Variants in POLE2 observed in about 807,000 individuals in gnomAD.
POLE2 encodes DNA polymerase epsilon subunit 2.
A neutral mutation model predicts 79.4 loss-of-function variants in POLE2; 56 were observed. The observed-to-expected ratio is 0.71, with a 90% CI of 0.57 to 0.88. POLE2 has a LOEUF of 0.88. POLE2 is among the 40% of genes least tolerant of loss of function. The pLI is 0.00. For synonymous variants in POLE2, 212 were observed against 214.0 expected (o/e 0.99, Z 0.08); for missense variants, 598 against 638.9 (o/e 0.94, Z 0.69).
intron 18 of POLE2, chr14:49,646,814 G>A (rs1883810797): frequency 6.6e-6 from 1 of 152,352 alleles, no homozygotes; most frequent in African/African-American, 2.4e-5. Flanking sequence ...GGATTCTGAT[G>A]TGGGTGATCT....
At chr14:49,678,720 G>A (rs1393713809) in intron 3 of POLE2, among the ~76,000 whole-genome samples, 1 of 152,076 alleles carries the variant, frequency 6.6e-6, no homozygotes, top group Non-Finnish European at 1.5e-5. Flanking sequence ...GCAGTGGTAT[G>A]ATCTCAGCTC....
chr14:49,650,550 T>A (rs538451802), intron 16 of POLE2, 109 bp from the exon 17 acceptor site: 1 of 645,360 alleles, frequency 1.5e-6, no homozygotes, highest in South Asian at 4.8e-5. Context: ...ACCAGAAAAT[T>A]TGAGAAACTA....
At chr14:49,670,066 A>G (rs1414158025) in intron 5 of POLE2, among the ~76,000 whole-genome samples, 1 of 152,174 alleles carries the variant, frequency 6.6e-6, no homozygotes, top group Non-Finnish European at 1.5e-5. Flanking sequence ...CTGTAATCCC[A>G]GCACTTTGGG....
rs77103454 is a variant in POLE2, at chr14:49,660,176, G to T, written c.755+3139C>A. 4.2e-3 allele frequency among the ~76,000 whole-genome samples: 632 copies of T among 152,272 alleles called. 4 individuals carry two copies. Among genetic ancestry groups the T allele is most frequent in the African/African-American group, 0.015 (604 of 41,536 alleles). On this transcript the variant is annotated intron_variant, in intron 10 of 18. Transcript: ENST00000216367. ...TATCATTGTGTTACAGTTGCCTATA[G>T]TATTCAATACAGCAACGTGTCACAC... is the stretch of plus-strand genomic sequence containing the variant.
At chr14:49,654,235 A>T in intron 13 of POLE2, 21 bp from the exon 14 acceptor site, 1 of 1,544,730 alleles carries the variant, frequency 6.5e-7, no homozygotes, top group Non-Finnish European at 8.9e-7. Context: ...ATTCAACACA[A>T]TTCATTTAAA....
At chr14:49,687,280 T>C (rs1424551896) in intron 1 of POLE2, among the ~76,000 whole-genome samples, 1 of 135,054 alleles carries the variant, frequency 7.4e-6, no homozygotes, top group Non-Finnish European at 1.6e-5. Context: ...AAAAAATACA[T>C]ATATATATAT....
Position 49,679,716 on chromosome 14 carries a change from C to A in POLE2, c.245+9G>T. 2 of 1,500,398 alleles carry A rather than the reference C, an allele frequency of 1.3e-6. No individual in the cohort carries two copies. Among genetic ancestry groups the A allele is most frequent in the Non-Finnish European group, 1.8e-6 (2 of 1,081,740 alleles). The allele number at this position is 1,500,398 out of a possible 1,614,324, so 92.9% of individuals were successfully genotyped here. A position where few individuals can be genotyped will look rare whatever the true frequency, so the allele number is the denominator to read the frequency against. ...CCAAGGAGGAAAAAAGTTAACTGTA[C>A]CCACATACATAGTTTCATCAACAGA... On this transcript the variant is annotated intron_variant, in intron 3 of 18. Coordinates refer to ENST00000216367, the MANE Select transcript of POLE2 (RefSeq NM_002692.4).
At chr14:49,654,272 C>CTTT in intron 13 of POLE2, 58 bp from the exon 14 acceptor site, 1 of 1,129,880 alleles carries the variant, frequency 8.9e-7, no homozygotes. Flanking sequence ...TATCCAATAG[C>CTTT]TTAAAAGCAA....
chr14:49,677,108 A>G (rs1263642000), intron 3 of POLE2, among the ~76,000 whole-genome samples: 1 of 152,204 alleles, frequency 6.6e-6, no homozygotes, highest in Admixed American at 6.5e-5. Flanking sequence ...TACAGGATGG[A>G]CACTTCTACG....
intron 6 of POLE2, among the ~76,000 whole-genome samples, chr14:49,666,985 G>C (rs562202901): frequency 1.3e-5 from 2 of 152,110 alleles, no homozygotes; most frequent in East Asian, 3.9e-4. Flanking sequence ...CGGATCACGA[G>C]GTCAGAAGAT....
At chr14:49,649,295 C>T (rs1472271978) in intron 17 of POLE2, among the ~76,000 whole-genome samples, 3 of 150,896 alleles carry the variant, frequency 2.0e-5, no homozygotes, top group Non-Finnish European at 4.4e-5. Flanking sequence ...TAGAGGCGCC[C>T]GCCACCTCGC....
At chr14:49,643,814 G>A (rs1883562953) in intron 18 of POLE2, 144 bp from the exon 19 acceptor site, 3 of 331,934 alleles carry the variant, frequency 9.0e-6, no homozygotes, top group East Asian at 1.0e-4. Context: ...TTCAAAAGGA[G>A]ACTCTAAAAA....
chr14:49,681,364 A>C (rs1235435612), intron 2 of POLE2: 4 of 206,528 alleles, frequency 1.9e-5, no homozygotes, highest in Non-Finnish European at 4.2e-5. Context: ...TATGGCTGAA[A>C]TGGACTGCAA....
At chr14:49,657,475 C>T (rs1485510352) in intron 10 of POLE2, among the ~76,000 whole-genome samples, 5 of 151,392 alleles carry the variant, frequency 3.3e-5, no homozygotes, top group Admixed American at 3.3e-4. Flanking sequence ...TGCTGTCTCC[C>T]AGGCTGGAGT....
rs145962777 is a variant in POLE2 at position 49,651,655 on chromosome 14, G to C, written c.1212-278C>G. On this transcript the variant is annotated intron_variant, in intron 15 of 18. Coordinates refer to ENST00000216367, the MANE Select transcript of POLE2 (RefSeq NM_002692.4). Reference sequence around the variant, plus strand: ...GGGTGGGGCTGAGAAAATAAAAAGCGAACATAATCATATAGTATGTTTTAA... The same window carrying C: ...GGGTGGGGCTGAGAAAATAAAAAGCCAACATAATCATATAGTATGTTTTAA... Among the ~76,000 whole-genome samples the C allele has an allele frequency of 7.6e-3, 1,149 of 152,134 alleles. 17 individuals are homozygous for C. The highest frequency in any genetic ancestry group is 0.026 in the African/African-American group (1,091 of 41,510).
At chr14:49,677,492 C>A in intron 3 of POLE2, 1 of 486,556 alleles carries the variant, frequency 2.1e-6, no homozygotes. Flanking sequence ...TGCCATGAAT[C>A]AAGCATGCCT....
intron 5 of POLE2, among the ~76,000 whole-genome samples, chr14:49,673,476 CA>C (rs1295707110): frequency 1.3e-5 from 2 of 152,224 alleles, no homozygotes; most frequent in African/African-American, 4.8e-5. Context: ...CCTTTCTTCA[CA>C]ATCACCACCT....
At chr14:49,663,500 T>A in intron 9 of POLE2, 113 bp from the exon 10 acceptor site, 1 of 543,122 alleles carries the variant, frequency 1.8e-6, no homozygotes, top group Non-Finnish European at 3.1e-6. Flanking sequence ...GTGAACTAAT[T>A]ACAGAGGTTG....
At chr14:49,660,672 A>T (rs1370588466) in intron 10 of POLE2, among the ~76,000 whole-genome samples, 1 of 152,084 alleles carries the variant, frequency 6.6e-6, no homozygotes, top group Non-Finnish European at 1.5e-5. Flanking sequence ...CCAGTGGATC[A>T]CCTGAGGTCG....
Sources: gnomAD v4.1 joint callset for allele counts (sites outside exome capture counted in the v4.1 genomes callset) on GRCh38, gnomAD v4.1.1 for gene constraint, MANE v1.5 for transcripts, NCBI Gene and HGNC (gene_info 2026-07-23, HGNC 2026-07-21) for gene names.